The following SDK1 variants were observed in gnomAD, a reference collection of about 807,000 sequenced individuals.
SDK1 encodes sidekick cell adhesion molecule 1.
A neutral mutation model predicts 245.5 loss-of-function variants in SDK1; 157 were observed. The ratio of observed to expected loss-of-function variants is 0.64; its 90% CI spans 0.56 to 0.73. SDK1 has a LOEUF of 0.73. SDK1 is among the 30% of genes least tolerant of loss of function. The pLI, the probability that SDK1 is intolerant of heterozygous loss-of-function variation, is 0.00. For missense variants in SDK1, 3,583 were observed against 3,002.3 expected, an observed-to-expected ratio of 1.19 and a Z score of -4.52; for synonymous variants, 1,647 against 1,278.5, an observed-to-expected ratio of 1.29 and a Z score of -6.15.
chr7:3,515,470 C>A (rs1478324885), intron 1 of SDK1, among the ~76,000 whole-genome samples: 1 of 152,114 alleles, frequency 6.6e-6, no homozygotes, highest in South Asian at 2.1e-4. Context: ...TAATTTCTAA[C>A]TCTGTAACTT....
chr7:3,374,614 A>G (rs1781308835), intron 1 of SDK1, among the ~76,000 whole-genome samples: 1 of 152,046 alleles, frequency 6.6e-6, no homozygotes, highest in African/African-American at 2.4e-5. Flanking sequence ...AGTGCTTTGA[A>G]TAAGGTACGT....
intron 4 of SDK1, among the ~76,000 whole-genome samples, chr7:3,690,873 C>G (rs1241582096): frequency 6.6e-6 from 1 of 152,158 alleles, no homozygotes; most frequent in Non-Finnish European, 1.5e-5. Context: ...AATAGACAGT[C>G]TCAAAACACT....
Position 3,413,449 on chromosome 7 carries a change from C to G in SDK1, c.298+111565C>G, listed in dbSNP as rs578200833. On this transcript the variant is annotated intron_variant, in intron 1 of 44. Transcript: ENST00000404826. ...GTGGCTCACATCTGTAATCCCAGCA[C>G]TTTGGGAGGCCAAGGCAAGTGGATC... is the stretch of plus-strand genomic sequence containing the variant. Among the ~76,000 whole-genome samples, 176 of 152,306 alleles carry G rather than the reference C, an allele frequency of 1.2e-3. 1 individual carries two copies. Among genetic ancestry groups the G allele is most frequent in the African/African-American group, 4.0e-3 (168 of 41,566 alleles).
intron 35 of SDK1, among the ~76,000 whole-genome samples, chr7:4,198,800 C>G (rs1201657669): frequency 6.8e-6 from 1 of 146,342 alleles, no homozygotes; most frequent in African/African-American, 2.6e-5. Context: ...CTTTTTCTTT[C>G]TTTTTTCTTT....
rs897507832 is a variant in SDK1 at position 3,622,487 on chromosome 7, C to G, written c.458+3248C>G. 3.3e-5 allele frequency among the ~76,000 whole-genome samples: 5 copies of G among 152,016 alleles called. No homozygotes were observed. The East Asian group carries it at 5.8e-4, about 18-fold the overall frequency. On this transcript the variant is annotated intron_variant, in intron 2 of 44. Coordinates refer to ENST00000404826, the MANE Select transcript of SDK1 (RefSeq NM_152744.4). ...CAGAGTGAGACTCCATCTCCAAAAACAAAATTTTAAAAAAATGGTGTAACG... is the reference window on the plus strand; with the variant it reads ...CAGAGTGAGACTCCATCTCCAAAAAGAAAATTTTAAAAAAATGGTGTAACG...
chr7:3,809,049 T>C (rs1297357284), intron 4 of SDK1, among the ~76,000 whole-genome samples: 1 of 151,932 alleles, frequency 6.6e-6, no homozygotes, highest in African/African-American at 2.4e-5. Flanking sequence ...ACGGGGTAAT[T>C]TATAAAGAAA....
chr7:3,463,132 A>T (rs1330770689), intron 1 of SDK1, among the ~76,000 whole-genome samples: 1 of 152,130 alleles, frequency 6.6e-6, no homozygotes, highest in South Asian at 2.1e-4. Context: ...ATCTTAACAC[A>T]AGTGTCATTT....
intron 1 of SDK1, among the ~76,000 whole-genome samples, chr7:3,484,482 G>T (rs1294240951): frequency 7.9e-5 from 12 of 152,278 alleles, no homozygotes. Context: ...TATATTTTCA[G>T]TTTGGTTGGA....
At chr7:4,149,204 T>C in intron 29 of SDK1, 58 bp from the exon 30 acceptor site, 1 of 1,378,228 alleles carries the variant, frequency 7.3e-7, no homozygotes, top group Non-Finnish European at 9.6e-7. Flanking sequence ...CTCCTGGGGA[T>C]GTTCCTTGGG....
intron 4 of SDK1, among the ~76,000 whole-genome samples, chr7:3,820,818 A>G (rs1779625835): frequency 6.6e-6 from 1 of 152,184 alleles, no homozygotes; most frequent in South Asian, 2.1e-4. Context: ...GATGAATGAG[A>G]AGGTCTTGGT....
At chr7:3,775,026 G>A (rs80220294) in intron 4 of SDK1, among the ~76,000 whole-genome samples, 4,166 of 152,276 alleles carry the variant, frequency 0.027, 73 homozygotes, top group Middle Eastern at 0.044. Context: ...AGTGCTCGGC[G>A]CTGATCGATG....
At chr7:3,745,797 T>C (rs1203698039) in intron 4 of SDK1, among the ~76,000 whole-genome samples, 1 of 152,206 alleles carries the variant, frequency 6.6e-6, no homozygotes, top group African/African-American at 2.4e-5. Context: ...AAAGTGAGAA[T>C]GAAACATATC....
rs1782171690 is a variant in SDK1, at chr7:4,175,830, A to G, written c.4992A>G (p.Leu1664=). The change falls in exon 34 of 45, where the codon CTA becomes CTG. Residue 1664 remains leucine (L), a synonymous_variant. Transcript: ENST00000404826. ...NSSSTSTMCE[L]THLKKYRRYE... is the part of the protein sequence containing the mutation. Reference sequence around the variant, plus strand: ...GCTCCACATCGACGATGTGTGAACTAACACGTAAGTGCGCTCTCAGCGGGA... The same window carrying G: ...GCTCCACATCGACGATGTGTGAACTGACACGTAAGTGCGCTCTCAGCGGGA... 2 of 1,613,074 alleles carry G rather than the reference A, an allele frequency of 1.2e-6. No individual in the cohort carries two copies. Among genetic ancestry groups the G allele is most frequent in the African/African-American group, 1.3e-5 (1 of 74,946 alleles).
chr7:3,500,239 T>C (rs753636904), intron 1 of SDK1, among the ~76,000 whole-genome samples: 6 of 152,234 alleles, frequency 3.9e-5, no homozygotes, highest in Non-Finnish European at 8.8e-5. Flanking sequence ...TTCCATTTGC[T>C]TCTTATTTGT....
chr7:4,014,644 A>C (rs1786254052), intron 16 of SDK1, among the ~76,000 whole-genome samples: 1 of 152,244 alleles, frequency 6.6e-6, no homozygotes, highest in Non-Finnish European at 1.5e-5. Flanking sequence ...ACGCGTGTGC[A>C]GTAATAAAAT....
At chr7:4,221,017 A>G (rs1404056367) in intron 39 of SDK1, among the ~76,000 whole-genome samples, 1 of 151,336 alleles carries the variant, frequency 6.6e-6, no homozygotes, top group Non-Finnish European at 1.5e-5. Flanking sequence ...CAAGCGATCC[A>G]CCTATCTCAG....
At chr7:4,016,828 C>A (rs947627804) in intron 16 of SDK1, among the ~76,000 whole-genome samples, 1 of 152,184 alleles carries the variant, frequency 6.6e-6, no homozygotes, top group African/African-American at 2.4e-5. Context: ...GTTTCTCAAA[C>A]TGATTTACAG....
chr7:4,043,451 C>T (rs1432108108), intron 17 of SDK1, among the ~76,000 whole-genome samples: 1 of 151,532 alleles, frequency 6.6e-6, no homozygotes, highest in Non-Finnish European at 1.5e-5. Flanking sequence ...GCCAGGGCCT[C>T]AGGTAGAATG....
Position 3,462,236 on chromosome 7 carries a change from G to A in SDK1, c.299-156844G>A, listed in dbSNP as rs1184814152. 5.3e-5 allele frequency among the ~76,000 whole-genome samples: 8 copies of A among 152,080 alleles called. No individual in the cohort carries two copies. In the East Asian group the frequency reaches 1.2e-3, roughly 22 times the overall value. ...TCAGCAGCATTCTTCACCGCTTGCC[G>A]CTCTATCGTTTTGAAATACCTGTAA... is the stretch of plus-strand genomic sequence containing the variant. On this transcript the variant is annotated intron_variant, in intron 1 of 44. Transcript: ENST00000404826.
Sources: allele counts gnomAD v4.1 joint callset (sites outside exome capture counted in the v4.1 genomes callset), GRCh38; gene constraint gnomAD v4.1.1; transcripts MANE v1.5; gene names NCBI Gene and HGNC (gene_info 2026-07-23, HGNC 2026-07-21).